POLR2B: variants seen among roughly 807,000 people sequenced by gnomAD.
The protein encoded by POLR2B is DNA-directed RNA polymerase II subunit RPB2.
In POLR2B, 57 loss-of-function variants were observed where a neutral mutation model predicts 144.6. That is an observed-to-expected ratio of 0.39 (90% CI 0.32 to 0.49). POLR2B has a LOEUF of 0.49. Among genes scored for constraint, POLR2B ranks in the 20% least tolerant of loss-of-function variants. The probability of loss-of-function intolerance (pLI) is 0.83; values close to 1 mark genes in which losing one functional copy is unlikely to be tolerated. For missense variants in POLR2B, 595 were observed against 1,467.4 expected (o/e 0.41, Z 9.71); for synonymous variants, 442 against 469.8 (o/e 0.94, Z 0.77).
chr4:56,986,593 A>G, intron 2 of POLR2B, 167 bp downstream of exon 2: 1 of 482,342 alleles, frequency 2.1e-6, no homozygotes, highest in South Asian at 3.6e-5. Flanking sequence ...CAAAGAATTC[A>G]TTTAATCATT....
chr4:57,012,418 A>T (rs982762519), intron 13 of POLR2B, among the ~76,000 whole-genome samples: 4 of 1,794 alleles, frequency 2.2e-3, no homozygotes, highest in East Asian at 0.25. Flanking sequence ...AAATTTATTA[A>T]AAAAAAAAAA....
chr4:56,979,916 TC>T (rs1722103570), intron 1 of POLR2B, among the ~76,000 whole-genome samples: 3 of 146,636 alleles, frequency 2.0e-5, no homozygotes, highest in African/African-American at 7.4e-5. Flanking sequence ...AAAAAAAAAT[TC>T]TTAGTTGAGT....
At chr4:57,004,352 CTTTTTT>C (rs34205751) in intron 7 of POLR2B, among the ~76,000 whole-genome samples, 3 of 140,626 alleles carry the variant, frequency 2.1e-5, no homozygotes. Flanking sequence ...CCCAGCAAAT[CTTTTTT>C]TTTTTTTTTT....
chr4:56,985,039 T>C (rs1029739451), intron 1 of POLR2B, among the ~76,000 whole-genome samples: 1 of 152,082 alleles, frequency 6.6e-6, no homozygotes, highest in Non-Finnish European at 1.5e-5. Context: ...GGGAAGACAT[T>C]AAGGCCAAGT....
Position 57,030,991 on chromosome 4 carries a change from A to G in POLR2B, c.*3A>G, listed in dbSNP as rs1723902165. The stretch of plus-strand genomic sequence containing the variant: ...CACCGCGAATGATGAGTGTTTAGCT[A>G]TTTTACAGGAGTCAACAAGATAATT... On this transcript the variant is annotated 3_prime_UTR_variant, in exon 25 of 25. Coordinates refer to ENST00000314595, the MANE Select transcript of POLR2B (RefSeq NM_000938.3). 3 of 1,521,752 alleles carry G rather than the reference A, an allele frequency of 2.0e-6. No individual in the cohort carries two copies. The highest frequency in any genetic ancestry group is 2.7e-6 in the Non-Finnish European group (3 of 1,095,796). 94.3% of individuals were successfully genotyped at this position (1,521,752 alleles called of 1,614,324 possible).
At chr4:57,002,481 TA>T (rs1213152089) in intron 7 of POLR2B, among the ~76,000 whole-genome samples, 14 of 152,242 alleles carry the variant, frequency 9.2e-5, no homozygotes, top group African/African-American at 2.2e-4. Flanking sequence ...AAAACTGCTT[TA>T]TTTTTTTTCT....
At position 57,006,889 on chromosome 4, in the gene POLR2B, T is replaced by C; in HGVS notation, c.1291T>C (p.Leu431=). Residue 431 remains leucine (L), a synonymous_variant, in exon 10 of 25, where the codon TTG becomes CTG. Coordinates refer to ENST00000314595, the MANE Select transcript of POLR2B (RefSeq NM_000938.3). ...KFIDRGKDFN[L]ELAIKTRIIS... ...TATTGATCGAGGAAAGGATTTTAAC[T>C]TGGAGTTGGCAATTAAAACACGGAT... The C allele has an allele frequency of 1.9e-6, 3 of 1,613,610 alleles. No individual in the cohort carries two copies. Among genetic ancestry groups the C allele is most frequent in the South Asian group, 1.1e-5 (1 of 91,078 alleles).
At chr4:57,021,485 CTTT>C (rs34804702) in intron 17 of POLR2B, among the ~76,000 whole-genome samples, 4 of 110,328 alleles carry the variant, frequency 3.6e-5, no homozygotes, top group Admixed American at 1.0e-4. Flanking sequence ...AATGTAAAAA[CTTT>C]TTTTTTTTTT....
Position 57,006,996 on chromosome 4 carries a change from A to G in POLR2B, c.1398A>G (p.Val466=). Residue 466 remains valine (V), a synonymous_variant, in exon 10 of 25, where the codon GTA becomes GTG. Coordinates refer to ENST00000314595, the MANE Select transcript of POLR2B (RefSeq NM_000938.3). The part of the protein sequence containing the change: ...QKKAHQARAG[V]SQVLNRLTFA... ...AAGCTCATCAAGCCAGAGCTGGAGT[A>G]TCTCAGGTAAGTGTGCCAACTATGA... is the stretch of plus-strand genomic sequence containing the variant. The G allele has an allele frequency of 6.2e-7, 1 of 1,611,306 alleles. No individual in the cohort carries two copies. Among genetic ancestry groups the G allele is most frequent in the South Asian group, 1.1e-5 (1 of 90,818 alleles).
At chr4:57,018,040 G>A (rs1312425427) in intron 16 of POLR2B, among the ~76,000 whole-genome samples, 1 of 152,084 alleles carries the variant, frequency 6.6e-6, no homozygotes, top group Non-Finnish European at 1.5e-5. Context: ...TTTGAGAGGT[G>A]GTTTAAGCAA....
In POLR2B at chr4:57,025,074, T is replaced by G; in HGVS notation, c.3078+75T>G. ...TGTGTAGTTTTATTCTGAAACAATG[T>G]AACCTTTTATTGAAGTATCATATGT... On this transcript the variant is annotated intron_variant, in intron 22 of 24. Transcript: ENST00000314595. 8.0e-6 allele frequency: 6 copies of G among 751,152 alleles called. No individual in the cohort carries two copies. The South Asian group carries it at 9.6e-5, about 12-fold the overall frequency. 46.5% of individuals were successfully genotyped at this position (751,152 alleles called of 1,614,324 possible). A position where few individuals can be genotyped will look rare whatever the true frequency, so the allele number is the denominator to read the frequency against.
chr4:57,010,482 T>C lies in POLR2B; in HGVS notation c.1526T>C (p.Val509Ala). 1 of 1,614,062 alleles carries C rather than the reference T, an allele frequency of 6.2e-7. No homozygotes were observed. The highest frequency in any genetic ancestry group is 2.2e-5 in the East Asian group (1 of 44,874). The change falls in exon 11 of 25, where the codon GTG (valine) becomes GCG (alanine). Residue 509 changes from valine (V) to alanine (A), a missense_variant. Transcript: ENST00000314595. ...TTGCATAATACGTTGTGGGGAATGG[T>C]GTGTCCTGCCGAGACCCCAGAGGTA... ...RQLHNTLWGM[V>A]CPAETPEGHA...
intron 7 of POLR2B, among the ~76,000 whole-genome samples, chr4:57,003,981 G>A (rs796689500): frequency 8.9e-5 from 13 of 146,642 alleles, no homozygotes; most frequent in African/African-American, 3.0e-4. Context: ...ATAAATAACT[G>A]TCTCCTTTGT....
chr4:56,992,488 A>AAG (rs1722547137), intron 3 of POLR2B, among the ~76,000 whole-genome samples: 1 of 146,828 alleles, frequency 6.8e-6, no homozygotes, highest in Non-Finnish European at 1.5e-5. Context: ...AAAAAAAAAA[A>AAG]AAAAGAAAAG....
intron 1 of POLR2B, among the ~76,000 whole-genome samples, chr4:56,980,421 T>C (rs879515730): frequency 2.6e-5 from 4 of 152,178 alleles, no homozygotes; most frequent in Non-Finnish European, 5.9e-5. Flanking sequence ...CCAGAAAATT[T>C]AAAAATGTTA....
At position 56,986,359 on chromosome 4, in the gene POLR2B, C is replaced by A; in HGVS notation, c.25C>A (p.Gln9Lys). The change falls in exon 2 of 25, where the codon CAA becomes AAA. Residue 9 changes from glutamine (Q) to lysine (K), a missense_variant. Physicochemically the swap from Gln to Lys is moderately conservative, Grantham distance 53 (BLOSUM62 1). Coordinates refer to ENST00000314595, the MANE Select transcript of POLR2B (RefSeq NM_000938.3). MYDADEDM[Q>K]YDEDDDEITP... ...CAATATTTTTGTTTTTACAGATATGCAATATGATGAGGATGATGATGAAAT... is the reference window on the plus strand; with the variant it reads ...CAATATTTTTGTTTTTACAGATATGAAATATGATGAGGATGATGATGAAAT... 5.0e-6 allele frequency: 8 copies of A among 1,602,096 alleles called. No homozygotes were observed. Among genetic ancestry groups the A allele is most frequent in the Non-Finnish European group, 6.8e-6 (8 of 1,169,336 alleles).
chr4:56,999,473 T>C (rs1043511728), intron 6 of POLR2B, 144 bp from the exon 7 acceptor site: 3 of 478,340 alleles, frequency 6.3e-6, no homozygotes, highest in African/African-American at 6.0e-5. Context: ...AAAGCAGTCA[T>C]AGGAGGTTCC....
intron 2 of POLR2B, 94 bp downstream of exon 2, chr4:56,986,520 C>T (rs554144737): frequency 1.2e-5 from 8 of 692,402 alleles, no homozygotes; most frequent in Non-Finnish European, 2.1e-5. Flanking sequence ...AAATATGCTA[C>T]ATGAGAGTAG....
Position 57,017,491 on chromosome 4 carries a change from T to A in POLR2B, c.2155-69T>A, listed in dbSNP as rs751626541. 109 of 1,273,708 alleles carry A rather than the reference T, an allele frequency of 8.6e-5. No homozygotes were observed. Among genetic ancestry groups the A allele is most frequent in the South Asian group, 2.6e-4 (18 of 68,188 alleles). The allele number at this position is 1,273,708 out of a possible 1,614,324, so 78.9% of individuals were successfully genotyped here. A position where few individuals can be genotyped will look rare whatever the true frequency, so the allele number is the denominator to read the frequency against. ...TTTACCAATCATATTTCTTTTGATT[T>A]ATTGTCAGAGTCTTTTCCATTAGTG... On this transcript the variant is annotated intron_variant, in intron 15 of 24. Transcript: ENST00000314595. This position sits in a 1 kb window ranked among gnomAD's most constrained non-coding sequence, Gnocchi z 4.8.
Sources: gnomAD v4.1 joint callset for allele counts (sites outside exome capture counted in the v4.1 genomes callset) on GRCh38, gnomAD v4.1.1 for gene constraint, Gnocchi (gnomAD v3.1) non-coding constraint, MANE v1.5 for transcripts, NCBI Gene and HGNC (gene_info 2026-07-23, HGNC 2026-07-21) for gene names.